The following DCDC1 variants were observed in gnomAD, a reference collection of about 807,000 sequenced individuals.
The protein encoded by DCDC1 is doublecortin domain-containing protein 1.
DCDC1 carries 200 observed loss-of-function variants against 178.3 expected under a neutral mutation model. The observed-to-expected ratio is 1.12, with a 90% CI of 1.00 to 1.26. DCDC1 has a LOEUF of 1.26. Ranked by LOEUF, DCDC1 falls within the 50% of genes most tolerant of loss-of-function variation. The probability of loss-of-function intolerance (pLI) is 0.00; values close to 1 mark genes in which losing one functional copy is unlikely to be tolerated. For synonymous variants in DCDC1, 690 were observed against 604.8 expected, an observed-to-expected ratio of 1.14 and a Z score of -2.07; for missense variants, 1,983 against 1,749.2, an observed-to-expected ratio of 1.13 and a Z score of -2.38.
chr11:31,230,334 TC>T (rs1975609724), intron 9 of DCDC1, among the ~76,000 whole-genome samples: 1 of 150,098 alleles, frequency 6.7e-6, no homozygotes, highest in South Asian at 2.1e-4. Flanking sequence ...TAAAAAATAG[TC>T]ATAAAAAATA....
chr11:30,953,130 G>A (rs1274543325), intron 20 of DCDC1, among the ~76,000 whole-genome samples: 1 of 151,282 alleles, frequency 6.6e-6, no homozygotes, highest in African/African-American at 2.4e-5. Context: ...TATACACAAA[G>A]TAAACTTTAA....
At chr11:31,017,432 AT>A (rs1952553491) in intron 20 of DCDC1, among the ~76,000 whole-genome samples, 1 of 152,136 alleles carries the variant, frequency 6.6e-6, no homozygotes, top group Admixed American at 6.6e-5. Context: ...TATTGTAAGA[AT>A]ATAATATTTA....
intron 36 of DCDC1, 56 bp downstream of exon 36, chr11:30,892,762 T>A: frequency 6.3e-7 from 1 of 1,593,670 alleles, no homozygotes; most frequent in African/African-American, 1.4e-5. Flanking sequence ...TCTAGAAATA[T>A]CAGAGCTGGG....
chr11:31,020,067 G>A (rs1442225542), intron 20 of DCDC1, among the ~76,000 whole-genome samples: 2 of 152,130 alleles, frequency 1.3e-5, no homozygotes, highest in African/African-American at 2.4e-5. Flanking sequence ...CAACTACAAC[G>A]CAAATTATGT....
At chr11:30,892,674 A>T in intron 36 of DCDC1, 144 bp downstream of exon 36, 3 of 890,438 alleles carry the variant, frequency 3.4e-6, no homozygotes, top group Non-Finnish European at 5.1e-6. Context: ...CATGAGATCA[A>T]TCCTATGAGG....
In DCDC1 at chr11:31,005,975, A is replaced by C. The variant is rs576672376; in HGVS notation, c.2592-53407T>G. 4.1e-4 allele frequency among the ~76,000 whole-genome samples: 62 copies of C among 150,800 alleles called. 1 individual carries two copies. In the South Asian group the frequency reaches 9.5e-3, roughly 23 times the overall value. ...CTGAAAAAAAAAAAAAAAAAAAAAA[A>C]AAACTTTTGGTCCTATTGACTACTC... On this transcript the variant is annotated intron_variant, in intron 20 of 38. Coordinates refer to ENST00000684477, the MANE Select transcript of DCDC1 (RefSeq NM_001387274.1).
intron 21 of DCDC1, among the ~76,000 whole-genome samples, chr11:30,940,171 C>G (rs1229055800): frequency 6.6e-6 from 1 of 152,154 alleles, no homozygotes; most frequent in Non-Finnish European, 1.5e-5. Flanking sequence ...CTTGAATAAA[C>G]ATAGAAATTG....
intron 15 of DCDC1, among the ~76,000 whole-genome samples, chr11:31,101,254 C>T (rs1375161336): frequency 1.3e-5 from 2 of 152,052 alleles, no homozygotes; most frequent in South Asian, 2.1e-4. Flanking sequence ...TTAAAGCTTA[C>T]ACTGCTAAAA....
intron 9 of DCDC1, among the ~76,000 whole-genome samples, chr11:31,198,462 A>G (rs1426942280): frequency 6.6e-6 from 1 of 152,090 alleles, no homozygotes; most frequent in Non-Finnish European, 1.5e-5. Context: ...CACACTTTCA[A>G]TAATGAGAAA....
chr11:31,231,761 C>T (rs1039831658), intron 9 of DCDC1, among the ~76,000 whole-genome samples: 2 of 152,094 alleles, frequency 1.3e-5, no homozygotes, highest in Non-Finnish European at 2.9e-5. Context: ...AAAGGCTGAG[C>T]GTTGCCTAAA....
chr11:31,265,327 T>C (rs941076874), intron 8 of DCDC1, among the ~76,000 whole-genome samples, 180 bp downstream of exon 8: 5 of 152,110 alleles, frequency 3.3e-5, no homozygotes, highest in Non-Finnish European at 4.4e-5. Context: ...TGTGTTGAAA[T>C]AAAAGATTCC....
Position 31,307,629 on chromosome 11 carries a change from C to G in DCDC1, c.434+10G>C. 1 of 1,613,412 alleles carries G rather than the reference C, an allele frequency of 6.2e-7. No individual in the cohort carries two copies. The highest frequency in any genetic ancestry group is 8.5e-7 in the Non-Finnish European group (1 of 1,179,562). ...ATAGGTTAAAAAGAACAGAGAACAG[C>G]TTTGATTACCTCAGTTGACCCACTG... On this transcript the variant is annotated intron_variant, in intron 4 of 38. Coordinates refer to ENST00000684477, the MANE Select transcript of DCDC1 (RefSeq NM_001387274.1).
At chr11:31,037,411 C>T (rs549578104) in intron 20 of DCDC1, among the ~76,000 whole-genome samples, 2 of 148,784 alleles carry the variant, frequency 1.3e-5, no homozygotes, top group South Asian at 4.2e-4. Flanking sequence ...GAAAAATTGG[C>T]CTGCCTCTAA....
chr11:30,926,689 G>A (rs1330884653), intron 22 of DCDC1, among the ~76,000 whole-genome samples: 1 of 152,178 alleles, frequency 6.6e-6, no homozygotes, highest in Non-Finnish European at 1.5e-5. Flanking sequence ...TTGACTTTAT[G>A]CTCATCATCA....
chr11:31,056,245 T>C (rs1292422333), intron 20 of DCDC1, among the ~76,000 whole-genome samples: 2 of 151,902 alleles, frequency 1.3e-5, no homozygotes, highest in Non-Finnish European at 2.9e-5. Context: ...TTAAATAACA[T>C]AAAATAATAA....
chr11:30,960,047 G>A (rs1949003109), intron 20 of DCDC1, among the ~76,000 whole-genome samples: 1 of 152,100 alleles, frequency 6.6e-6, no homozygotes, highest in Admixed American at 6.6e-5. Context: ...CACGGGTGAG[G>A]AGCAATCTAA....
At chr11:31,360,826 T>C (rs1951672220) in intron 1 of DCDC1, among the ~76,000 whole-genome samples, 1 of 152,300 alleles carries the variant, frequency 6.6e-6, no homozygotes, top group South Asian at 2.1e-4. Context: ...TTGAGGGGAT[T>C]TGGAATCATC....
chr11:30,878,687 C>T lies in DCDC1; in HGVS notation c.5258G>A (p.Arg1753Lys), dbSNP rs973466624. 4.4e-6 allele frequency: 7 copies of T among 1,597,502 alleles called. No homozygotes were observed. The highest frequency in any genetic ancestry group is 6.0e-6 in the Non-Finnish European group (7 of 1,173,796). ...PKELKQLMEI[R>K]ANYARIRRQQ... Reference sequence around the variant, plus strand: ...CCTTCGGATTCTGGCATAATTTGCTCTGATCTCCATCAGTTGTTTTAACTC... The same window carrying T: ...CCTTCGGATTCTGGCATAATTTGCTTTGATCTCCATCAGTTGTTTTAACTC... Residue 1753 changes from arginine (R) to lysine (K), a missense_variant, in exon 38 of 39, where the codon AGA becomes AAA. Arg to Lys is a conservative substitution (Grantham distance 26). Transcript: ENST00000684477.
At chr11:31,284,213 T>C (rs1331683511) in intron 7 of DCDC1, among the ~76,000 whole-genome samples, 1 of 152,186 alleles carries the variant, frequency 6.6e-6, no homozygotes, top group African/African-American at 2.4e-5. Flanking sequence ...TGTTAAATTA[T>C]TTTTAAGACA....
Sources: gnomAD v4.1 joint callset for allele counts (sites outside exome capture counted in the v4.1 genomes callset) on GRCh38, gnomAD v4.1.1 for gene constraint, MANE v1.5 for transcripts, NCBI Gene and HGNC (gene_info 2026-07-23, HGNC 2026-07-21) for gene names.